Variants in PLEKHG1 observed in about 807,000 individuals in gnomAD.
PLEKHG1 encodes pleckstrin homology and RhoGEF domain containing G1, also known as pleckstrin homology domain-containing family G member 1.
Under a neutral mutation model 100.8 loss-of-function variants are expected in PLEKHG1, and 44 were observed. That is an observed-to-expected ratio of 0.44 (90% CI 0.34 to 0.56). The LOEUF is 0.56. Among genes scored for constraint, PLEKHG1 ranks in the 20% least tolerant of loss-of-function variants. PLEKHG1 has a pLI of 0.01. For synonymous variants in PLEKHG1, 640 were observed against 662.5 expected, an observed-to-expected ratio of 0.97 and a Z score of 0.52; for missense variants, 1,545 against 1,720.9, an observed-to-expected ratio of 0.90 and a Z score of 1.81.
chr6:150,792,521 A>G (rs1052144419), intron 4 of PLEKHG1, among the ~76,000 whole-genome samples: 3 of 151,482 alleles, frequency 2.0e-5, no homozygotes, highest in Non-Finnish European at 4.4e-5. Context: ...AAAGATAGAA[A>G]TATTTAGCTG....
intron 3 of PLEKHG1, among the ~76,000 whole-genome samples, chr6:150,674,306 G>A (rs929845028): frequency 7.9e-5 from 12 of 151,932 alleles, no homozygotes; most frequent in Non-Finnish European, 1.5e-5. Context: ...GGTTTTTATT[G>A]TTAACTCTAA....
At chr6:150,820,781 C>G (rs1193972554) in intron 12 of PLEKHG1, among the ~76,000 whole-genome samples, 1 of 152,114 alleles carries the variant, frequency 6.6e-6, no homozygotes, top group Non-Finnish European at 1.5e-5. Context: ...AGGAGAATTA[C>G]TTGAACCTGG....
At chr6:150,804,680 A>G (rs1490104575) in exon 7 of PLEKHG1, 2 of 1,613,800 alleles carry the variant, frequency 1.2e-6, no homozygotes, top group Non-Finnish European at 8.5e-7. Flanking sequence ...GACACAATGC[A>G]GCGAGTCGCC....
At chr6:150,743,366 C>CA (rs374106898) in intron 2 of PLEKHG1, among the ~76,000 whole-genome samples, 1,767 of 149,108 alleles carry the variant, frequency 0.012, 31 homozygotes, top group African/African-American at 0.036. Context: ...ACTAAAAATC[C>CA]AAAAAAAAAA....
chr6:150,796,080 G>A (rs978867503), intron 5 of PLEKHG1, among the ~76,000 whole-genome samples, 178 bp downstream of exon 6: 2 of 152,172 alleles, frequency 1.3e-5, no homozygotes, highest in African/African-American at 4.8e-5. Flanking sequence ...GGATCCGTCT[G>A]GGCTTTGGGG....
At chr6:150,670,875 C>T (rs941281428) in intron 3 of PLEKHG1, among the ~76,000 whole-genome samples, 2 of 148,810 alleles carry the variant, frequency 1.3e-5, no homozygotes, top group Non-Finnish European at 3.0e-5. Flanking sequence ...CCTTGCCCCC[C>T]CCTCCCATTC....
intron 15 of PLEKHG1, among the ~76,000 whole-genome samples, chr6:150,832,434 A>G (rs1777001584): frequency 6.6e-6 from 1 of 152,180 alleles, no homozygotes; most frequent in South Asian, 2.1e-4. Flanking sequence ...TGCATGTAAC[A>G]TCGTAACTGC....
Position 150,830,865 on chromosome 6 carries a change from C to T in PLEKHG1, c.1754C>T (p.Pro585Leu), listed in dbSNP as rs1261134510. 3.1e-6 allele frequency: 5 copies of T among 1,614,054 alleles called. No individual in the cohort carries two copies. In the Admixed American group the frequency reaches 5.0e-5, roughly 16 times the overall value. ...TGTGAAGATAGCACTTCTAGTCGCC[C>T]TTGCAGCTGGCATATGGGACAGATG... Residue 585 changes from proline to leucine, a missense_variant, in exon 15 of 16, where the codon CCT becomes CTT. Transcript: ENST00000358517.
chr6:150,765,481 G>A lies in PLEKHG1; in HGVS notation c.412-3157G>A, dbSNP rs192971938. ...TGCACTCCAGCTTGGGTGACAGAGTGAGACTCTGTCTCAAAGAAAAAAAAA... is the reference window on the plus strand; with the variant it reads ...TGCACTCCAGCTTGGGTGACAGAGTAAGACTCTGTCTCAAAGAAAAAAAAA... On this transcript the variant is annotated intron_variant, in intron 2 of 15. Transcript: ENST00000358517. Among the ~76,000 whole-genome samples the A allele has an allele frequency of 5.6e-4, 78 of 139,776 alleles. 1 individual carries two copies. Among genetic ancestry groups the A allele is most frequent in the African/African-American group, 2.1e-3 (71 of 34,054 alleles). The allele number at this position is 139,776 out of a possible 152,430, so 91.7% of individuals were successfully genotyped here. A position where few individuals can be genotyped will look rare whatever the true frequency, so the allele number is the denominator to read the frequency against.
intron 2 of PLEKHG1, among the ~76,000 whole-genome samples, chr6:150,644,332 G>GGGTTTTTTTT (rs1562404967): frequency 2.1e-5 from 2 of 96,564 alleles, no homozygotes; most frequent in South Asian, 3.4e-4. Flanking sequence ...TTTTCTTTTC[G>GGGTTTTTTTT]TGTTTTTTTT....
intron 3 of PLEKHG1, among the ~76,000 whole-genome samples, chr6:150,687,204 A>G (rs1299017487): frequency 6.6e-6 from 1 of 152,206 alleles, no homozygotes; most frequent in Non-Finnish European, 1.5e-5. Flanking sequence ...TAATACCTTC[A>G]GTAGTCACAT....
At chr6:150,726,998 C>T (rs7774707) in intron 1 of PLEKHG1, among the ~76,000 whole-genome samples, 5 of 152,146 alleles carry the variant, frequency 3.3e-5, no homozygotes, top group Non-Finnish European at 7.4e-5. Context: ...GTATATTAAA[C>T]GAACATCACT....
intron 3 of PLEKHG1, among the ~76,000 whole-genome samples, chr6:150,779,593 G>A (rs1021656813): frequency 2.0e-5 from 3 of 151,460 alleles, no homozygotes; most frequent in Non-Finnish European, 2.9e-5. Flanking sequence ...TGATCCGCCC[G>A]CCTCGGCCTC....
intron 3 of PLEKHG1, among the ~76,000 whole-genome samples, chr6:150,680,410 G>A (rs1004162744): frequency 1.3e-5 from 2 of 152,170 alleles, no homozygotes; most frequent in Admixed American, 6.6e-5. Context: ...GAGGGAAGTT[G>A]TGTTTCATTT....
At chr6:150,740,999 G>A (rs934324382) in intron 2 of PLEKHG1, among the ~76,000 whole-genome samples, 2 of 151,892 alleles carry the variant, frequency 1.3e-5, no homozygotes, top group African/African-American at 4.8e-5. Flanking sequence ...CCTTACTCTC[G>A]TCTTTCACCA....
At chr6:150,743,608 A>AT (rs1463040725) in intron 2 of PLEKHG1, among the ~76,000 whole-genome samples, 3 of 152,164 alleles carry the variant, frequency 2.0e-5, no homozygotes, top group Non-Finnish European at 4.4e-5. Flanking sequence ...TCTCTACTAA[A>AT]TAACCTCATA....
chr6:150,737,482 C>T (rs376015401), intron 2 of PLEKHG1, among the ~76,000 whole-genome samples: 5 of 151,808 alleles, frequency 3.3e-5, no homozygotes, highest in Middle Eastern at 6.8e-3. Flanking sequence ...TTAGTAGAGA[C>T]GGGGTTTCAC....
At chr6:150,759,880 C>T (rs1157340077) in intron 2 of PLEKHG1, among the ~76,000 whole-genome samples, 3 of 151,974 alleles carry the variant, frequency 2.0e-5, no homozygotes, top group Non-Finnish European at 1.5e-5. Context: ...AGCCTATAAC[C>T]CCAGCTACTG....
At chr6:150,678,680 A>G (rs1246060007) in intron 3 of PLEKHG1, among the ~76,000 whole-genome samples, 3 of 152,202 alleles carry the variant, frequency 2.0e-5, no homozygotes, top group African/African-American at 7.2e-5. Context: ...GCACCAATCT[A>G]ATGTAGAGTT....
Sources: gnomAD v4.1 joint callset for allele counts (sites outside exome capture counted in the v4.1 genomes callset) on GRCh38, gnomAD v4.1.1 for gene constraint, MANE v1.5 for transcripts, NCBI Gene and HGNC (gene_info 2026-07-23, HGNC 2026-07-21) for gene names.